The following C1orf21 variants were observed in gnomAD, a reference collection of about 807,000 sequenced individuals.
C1orf21 encodes chromosome 1 open reading frame 21, also known as uncharacterized protein C1orf21.
A neutral mutation model predicts 18.7 loss-of-function variants in C1orf21; 3 were observed. That is an observed-to-expected ratio of 0.16 (90% CI 0.07 to 0.42). C1orf21 has a LOEUF of 0.42. Among genes scored for constraint, C1orf21 ranks in the 10% least tolerant of loss-of-function variants. C1orf21 has a pLI of 0.99. For synonymous variants in C1orf21, 41 were observed against 46.4 expected (o/e 0.88, Z 0.47); for missense variants, 104 against 143.6 (o/e 0.72, Z 1.41).
chr1:184,442,594 C>A (rs546172335), intron 1 of C1orf21, among the ~76,000 whole-genome samples: 93 of 152,196 alleles, frequency 6.1e-4, no homozygotes, highest in Middle Eastern at 6.8e-3. Flanking sequence ...TTCCCCATGG[C>A]ATGTATCAGT....
At chr1:184,467,753 G>A (rs1557979594) in intron 1 of C1orf21, among the ~76,000 whole-genome samples, 1 of 152,110 alleles carries the variant, frequency 6.6e-6, no homozygotes, top group Non-Finnish European at 1.5e-5. Context: ...TGACAGTGAT[G>A]GTAATGACAA....
chr1:184,479,488 C>T (rs1049430971), intron 2 of C1orf21, among the ~76,000 whole-genome samples: 3 of 152,112 alleles, frequency 2.0e-5, no homozygotes, highest in African/African-American at 7.2e-5. Flanking sequence ...GGAAACTGAA[C>T]ACAGAGAGAC....
At chr1:184,577,465 G>T (rs1659209444) in intron 3 of C1orf21, among the ~76,000 whole-genome samples, 1 of 152,120 alleles carries the variant, frequency 6.6e-6, no homozygotes, top group South Asian at 2.1e-4. Flanking sequence ...GTGTTAATTT[G>T]TTAAAGCAGC....
chr1:184,464,695 T>C (rs1016833246), intron 1 of C1orf21, among the ~76,000 whole-genome samples: 18 of 151,506 alleles, frequency 1.2e-4, no homozygotes, highest in African/African-American at 4.1e-4. Context: ...AGACATGGAA[T>C]GGTGTATAGA....
At chr1:184,389,587 C>A (rs1311272420) in intron 1 of C1orf21, among the ~76,000 whole-genome samples, 3 of 152,132 alleles carry the variant, frequency 2.0e-5, no homozygotes, top group Non-Finnish European at 2.9e-5. Flanking sequence ...GTACTATTTG[C>A]TATGACTTAT....
intron 1 of C1orf21, among the ~76,000 whole-genome samples, chr1:184,468,370 T>C (rs1409658894): frequency 6.6e-6 from 1 of 152,082 alleles, no homozygotes; most frequent in Non-Finnish European, 1.5e-5. Flanking sequence ...CATCAGTCTC[T>C]CATGGATAAT....
chr1:184,440,809 C>T (rs1440736513), intron 1 of C1orf21, among the ~76,000 whole-genome samples: 1 of 152,116 alleles, frequency 6.6e-6, no homozygotes, highest in Admixed American at 6.5e-5. Flanking sequence ...ATTAGGAAAA[C>T]CTGGCTTACC....
chr1:184,611,976 A>G (rs1201506511), intron 5 of C1orf21, among the ~76,000 whole-genome samples: 2 of 152,204 alleles, frequency 1.3e-5, no homozygotes, highest in Non-Finnish European at 2.9e-5. Context: ...TCATGTAACC[A>G]AAAACCACTT....
chr1:184,464,358 G>A (rs1288581065), intron 1 of C1orf21, among the ~76,000 whole-genome samples: 2 of 152,200 alleles, frequency 1.3e-5, no homozygotes, highest in African/African-American at 4.8e-5. Context: ...ATTATGGGGT[G>A]TGCTGGGACT....
At chr1:184,610,572 C>T (rs886598326) in intron 5 of C1orf21, among the ~76,000 whole-genome samples, 1 of 152,164 alleles carries the variant, frequency 6.6e-6, no homozygotes, top group Non-Finnish European at 1.5e-5. Flanking sequence ...CTAGGCCAGG[C>T]GCGGTGGCTC....
At chr1:184,531,215 G>T (rs998554379) in intron 3 of C1orf21, among the ~76,000 whole-genome samples, 25 of 152,092 alleles carry the variant, frequency 1.6e-4, no homozygotes, top group South Asian at 4.1e-4. Flanking sequence ...TTTTGTATCT[G>T]GCTTTGGTGT....
chr1:184,416,928 C>T (rs975406808), intron 1 of C1orf21, among the ~76,000 whole-genome samples: 15 of 152,276 alleles, frequency 9.9e-5, no homozygotes, highest in Non-Finnish European at 2.1e-4. Flanking sequence ...ATTGGTCACA[C>T]TTACTTGACG....
chr1:184,529,530 C>T (rs1217431290), intron 3 of C1orf21, among the ~76,000 whole-genome samples: 1 of 152,182 alleles, frequency 6.6e-6, no homozygotes, highest in Admixed American at 6.5e-5. Flanking sequence ...AAGTTGCATA[C>T]AGATATGTGT....
intron 3 of C1orf21, among the ~76,000 whole-genome samples, chr1:184,572,950 CAA>C (rs35275397): frequency 0.011 from 1,463 of 131,810 alleles, 20 homozygotes; most frequent in African/African-American, 0.035. Flanking sequence ...GACTCCTTCT[CAA>C]AAAAAAAAAA....
intron 1 of C1orf21, among the ~76,000 whole-genome samples, chr1:184,390,165 A>G (rs1655949075): frequency 6.6e-6 from 1 of 152,212 alleles, no homozygotes; most frequent in Non-Finnish European, 1.5e-5. Context: ...ACCAAATATA[A>G]AGAGAGGAGA....
intron 1 of C1orf21, among the ~76,000 whole-genome samples, chr1:184,403,246 A>G (rs1384798346): frequency 2.0e-5 from 3 of 152,238 alleles, no homozygotes; most frequent in African/African-American, 4.8e-5. Context: ...GTACATTCAT[A>G]TGAAACAATA....
intron 3 of C1orf21, among the ~76,000 whole-genome samples, chr1:184,554,241 A>T (rs1280987289): frequency 1.3e-5 from 2 of 152,048 alleles, no homozygotes; most frequent in Non-Finnish European, 2.9e-5. Context: ...TTTGTAAGGG[A>T]TCTATATAGT....
rs112316928 is a variant in C1orf21, at chr1:184,434,990, G to A, written c.-124-42396G>A. ...TCCCTGCTTACGTTATTACGGTAGT[G>A]GGTATTGCTATAGAGCCATGAGAGA... On this transcript the variant is annotated intron_variant, in intron 1 of 5. Coordinates refer to ENST00000235307, the MANE Select transcript of C1orf21 (RefSeq NM_030806.4). Among the ~76,000 whole-genome samples, 125 of 152,324 alleles carry A rather than the reference G, an allele frequency of 8.2e-4. 2 individuals carry two copies. Among genetic ancestry groups the A allele is most frequent in the African/African-American group, 3.0e-3 (123 of 41,556 alleles).
At chr1:184,594,789 A>T (rs1659490542) in intron 4 of C1orf21, among the ~76,000 whole-genome samples, 1 of 152,252 alleles carries the variant, frequency 6.6e-6, no homozygotes, top group Admixed American at 6.5e-5. Flanking sequence ...AGGATGGCTT[A>T]TTCTGCCAGG....
Sources: gnomAD v4.1 joint callset for allele counts (sites outside exome capture counted in the v4.1 genomes callset) on GRCh38, gnomAD v4.1.1 for gene constraint, MANE v1.5 for transcripts, NCBI Gene and HGNC (gene_info 2026-07-23, HGNC 2026-07-21) for gene names.